PDE3B: variants seen among roughly 807,000 people sequenced by gnomAD.
The protein encoded by PDE3B is cGMP-inhibited 3',5'-cyclic phosphodiesterase 3B.
PDE3B carries 66 observed loss-of-function variants against 116.8 expected under a neutral mutation model. The ratio of observed to expected loss-of-function variants is 0.56; its 90% CI spans 0.46 to 0.69. The LOEUF (loss-of-function observed/expected upper bound fraction) is 0.69, where lower values mean the gene tolerates loss of function less well. PDE3B is among the 30% of genes least tolerant of loss of function. The pLI is 0.00. For synonymous variants in PDE3B, 595 were observed against 533.6 expected (o/e 1.12, Z -1.59); for missense variants, 1,384 against 1,368.1 (o/e 1.01, Z -0.18).
intron 7 of PDE3B, among the ~76,000 whole-genome samples, chr11:14,820,575 C>T (rs1859485100): frequency 1.3e-5 from 2 of 152,150 alleles, no homozygotes; most frequent in Non-Finnish European, 2.9e-5. Context: ...AAATTGTACA[C>T]TTGTGGGCTG....
chr11:14,771,867 C>G, intron 1 of PDE3B, 70 bp from the exon 2 acceptor site: 1 of 590,944 alleles, frequency 1.7e-6, no homozygotes. Context: ...ATTGAAAATG[C>G]TGAATTTTGT....
At chr11:14,669,965 T>G (rs565708646) in intron 1 of PDE3B, among the ~76,000 whole-genome samples, 1 of 152,306 alleles carries the variant, frequency 6.6e-6, no homozygotes, top group African/African-American at 2.4e-5. Context: ...ATCCTCTTAT[T>G]TATTACTAAG....
intron 1 of PDE3B, among the ~76,000 whole-genome samples, chr11:14,745,374 TC>T (rs1271419956): frequency 6.6e-6 from 1 of 152,186 alleles, no homozygotes; most frequent in Non-Finnish European, 1.5e-5. Context: ...TTGTTTGTGA[TC>T]TAACTATATT....
At chr11:14,869,058 T>C (rs1821971714) in intron 15 of PDE3B, among the ~76,000 whole-genome samples, 1 of 152,040 alleles carries the variant, frequency 6.6e-6, no homozygotes, top group Non-Finnish European at 1.5e-5. Context: ...ATGTTGGTAA[T>C]TGTGTTTAAT....
intron 4 of PDE3B, among the ~76,000 whole-genome samples, chr11:14,794,825 A>C (rs1858502691): frequency 6.6e-6 from 1 of 152,208 alleles, no homozygotes; most frequent in East Asian, 1.9e-4. Flanking sequence ...CACAGAACTC[A>C]AGGAAGCATG....
chr11:14,777,939 C>T (rs377209415), intron 2 of PDE3B, among the ~76,000 whole-genome samples: 12 of 152,286 alleles, frequency 7.9e-5, no homozygotes, highest in East Asian at 1.9e-4. Flanking sequence ...CCTGGAAAAT[C>T]GGGCAACTCC....
chr11:14,742,046 T>A (rs968490921), intron 1 of PDE3B, among the ~76,000 whole-genome samples: 1 of 152,114 alleles, frequency 6.6e-6, no homozygotes, highest in Non-Finnish European at 1.5e-5. Flanking sequence ...TCAGCCTTGG[T>A]GAATCTGACA....
intron 4 of PDE3B, among the ~76,000 whole-genome samples, chr11:14,793,362 C>T (rs1233588115): frequency 6.6e-6 from 1 of 151,976 alleles, no homozygotes; most frequent in Non-Finnish European, 1.5e-5. Context: ...ATAGCCTGAA[C>T]GTGATTTTAT....
chr11:14,758,236 G>A (rs1857253865), intron 1 of PDE3B, among the ~76,000 whole-genome samples: 1 of 151,550 alleles, frequency 6.6e-6, no homozygotes, highest in Admixed American at 6.6e-5. Flanking sequence ...GTCAGGTAGT[G>A]TGATGCCTCC....
intron 12 of PDE3B, among the ~76,000 whole-genome samples, chr11:14,845,316 A>G (rs1273863330): frequency 6.6e-6 from 1 of 151,864 alleles, no homozygotes; most frequent in African/African-American, 2.4e-5. Context: ...CAGAAAGGAC[A>G]TCCACACCAA....
intron 1 of PDE3B, among the ~76,000 whole-genome samples, chr11:14,682,054 T>A (rs1252151931): frequency 1.3e-5 from 2 of 152,202 alleles, no homozygotes; most frequent in Non-Finnish European, 2.9e-5. Context: ...AAGAAAATGT[T>A]ATTAAGAGAA....
intron 1 of PDE3B, among the ~76,000 whole-genome samples, chr11:14,688,707 A>G (rs1854961736): frequency 6.6e-6 from 1 of 151,996 alleles, no homozygotes; most frequent in Admixed American, 6.6e-5. Flanking sequence ...ACTGAGTGTG[A>G]TTCCAGATAA....
intron 1 of PDE3B, among the ~76,000 whole-genome samples, chr11:14,741,481 T>G (rs928730517): frequency 6.6e-6 from 1 of 152,130 alleles, no homozygotes; most frequent in Non-Finnish European, 1.5e-5. Flanking sequence ...AGCCTATGTG[T>G]TTTTGCATAT....
the PDE3B span, chr11:14,880,363 G>A: frequency 1.9e-6 from 3 of 1,613,252 alleles, no homozygotes; most frequent in African/African-American, 2.7e-5. Flanking sequence ...AATGAGTCTG[G>A]AGAGAAAATC....
At chr11:14,783,013 C>A (rs750251753) in intron 2 of PDE3B, among the ~76,000 whole-genome samples, 1 of 152,094 alleles carries the variant, frequency 6.6e-6, no homozygotes, top group African/African-American at 2.4e-5. Flanking sequence ...CTTGAATGCT[C>A]ATCATCACTG....
the PDE3B span, chr11:14,879,421 A>G: frequency 6.2e-7 from 1 of 1,603,966 alleles, no homozygotes; most frequent in Non-Finnish European, 8.5e-7. Context: ...CCATAATTAA[A>G]TCAATCTCTT....
intron 1 of PDE3B, among the ~76,000 whole-genome samples, chr11:14,659,163 A>G (rs1853811630): frequency 6.6e-6 from 1 of 152,184 alleles, no homozygotes; most frequent in African/African-American, 2.4e-5. Context: ...AAGTTGGGAG[A>G]ATGGAAACTA....
At chr11:14,868,291 TG>T (rs1268561456) in intron 15 of PDE3B, among the ~76,000 whole-genome samples, 2 of 152,312 alleles carry the variant, frequency 1.3e-5, no homozygotes, top group Admixed American at 1.3e-4. Context: ...ATATGTGAGG[TG>T]GATCCTCATG....
At chr11:14,856,376 A>G (rs1555006182) in intron 12 of PDE3B, among the ~76,000 whole-genome samples, 1 of 152,200 alleles carries the variant, frequency 6.6e-6, no homozygotes, top group African/African-American at 2.4e-5. Context: ...GAACAGTGTA[A>G]AAGAATCCTG....
Sources: gnomAD v4.1 joint callset for allele counts (sites outside exome capture counted in the v4.1 genomes callset) on GRCh38, gnomAD v4.1.1 for gene constraint, MANE v1.5 for transcripts, NCBI Gene and HGNC (gene_info 2026-07-23, HGNC 2026-07-21) for gene names.